Variants in GALNT3 observed in about 807,000 individuals in gnomAD.
The protein encoded by GALNT3 is GalNAc transferase 3.
Under a neutral mutation model 69.8 loss-of-function variants are expected in GALNT3, and 51 were observed. The ratio of observed to expected loss-of-function variants is 0.73; its 90% CI spans 0.58 to 0.92. The LOEUF is 0.92. Among genes scored for constraint, GALNT3 ranks in the 40% least tolerant of loss-of-function variants. The probability of loss-of-function intolerance (pLI) is 0.00; values close to 1 mark genes in which losing one functional copy is unlikely to be tolerated. For missense variants in GALNT3, 711 were observed against 760.0 expected, an observed-to-expected ratio of 0.94 and a Z score of 0.76; for synonymous variants, 265 against 248.5, an observed-to-expected ratio of 1.07 and a Z score of -0.63.
chr2:165,763,776 G>C (rs187853687), intron 3 of GALNT3, among the ~76,000 whole-genome samples: 1 of 152,094 alleles, frequency 6.6e-6, no homozygotes, highest in South Asian at 2.1e-4. Context: ...CCTAAATTTA[G>C]CTCCCATGCA....
At position 165,754,719 on chromosome 2, in the gene GALNT3, C is replaced by T. The variant is rs374713815; in HGVS notation, c.1534G>A (p.Val512Ile). 85 of 1,610,420 alleles carry T rather than the reference C, an allele frequency of 5.3e-5. 1 individual carries two copies. Among genetic ancestry groups the T allele is most frequent in the South Asian group, 1.9e-4 (17 of 90,426 alleles). The change falls in exon 9 of 11, where the codon GTT becomes ATT. Residue 512 changes from valine to isoleucine, a missense_variant. Transcript: ENST00000392701. ...NPVISGYIKS[V>I]GQPLCLDVGE... ...ACATCCAGACATAGAGGCTGACCAACGCTTTTAATCTAAAGGAAAATTTTC... is the reference window on the plus strand; with the variant it reads ...ACATCCAGACATAGAGGCTGACCAATGCTTTTAATCTAAAGGAAAATTTTC...
intron 2 of GALNT3, among the ~76,000 whole-genome samples, chr2:165,765,542 T>G (rs112816927): frequency 0.14 from 21,465 of 151,606 alleles, 1,714 homozygotes; most frequent in East Asian, 0.25. Context: ...CAGGCTGGAG[T>G]GCAGTGGCAC....
intron 1 of GALNT3, among the ~76,000 whole-genome samples, chr2:165,781,808 G>A (rs1202516570): frequency 1.3e-5 from 2 of 152,086 alleles, no homozygotes; most frequent in Non-Finnish European, 2.9e-5. Flanking sequence ...GAAATGTTAC[G>A]ATGATTAAGA....
In GALNT3 at chr2:165,758,827, T is replaced by C; in HGVS notation, c.1111A>G (p.Lys371Glu). The change falls in exon 6 of 11, where the codon AAA becomes GAA. Residue 371 changes from lysine to glutamate, a missense_variant. By Grantham distance (56) the Lys-to-Glu change is moderately conservative (BLOSUM62 1). Transcript: ENST00000392701. ...TFAGGLFSIS[K>E]EYFEYIGSYD... ...CTTCCAATATACTCAAAATATTCTT[T>C]TGATATGGAAAAAAGTCCTCCTGCA... The C allele has an allele frequency of 1.2e-6, 2 of 1,611,686 alleles. No individual in the cohort carries two copies. Among genetic ancestry groups the C allele is most frequent in the Non-Finnish European group, 1.7e-6 (2 of 1,177,968 alleles).
chr2:165,770,273 C>T lies in GALNT3; in HGVS notation c.428G>A (p.Arg143His), dbSNP rs770369946. 6.2e-6 allele frequency: 10 copies of T among 1,614,160 alleles called. No individual in the cohort carries two copies. Among genetic ancestry groups the T allele is most frequent in the South Asian group, 4.4e-5 (4 of 91,072 alleles). Residue 143 changes from arginine to histidine, a missense_variant, in exon 2 of 11, where the codon CGT (arginine) becomes CAT (histidine). By Grantham distance (29) the Arg-to-His change is conservative. Transcript: ENST00000392701. ...LSVEEQKEKE[R>H]GEAKHCFNAF... is the part of the protein sequence containing the mutation. ...ATTAAAGCAGTGTTTAGCTTCCCCA[C>T]GTTCCTTTTCCTTTTGCTCTTCAAC...
chr2:165,761,798 A>G, intron 4 of GALNT3, 107 bp downstream of exon 4: 2 of 1,241,374 alleles, frequency 1.6e-6, no homozygotes, highest in South Asian at 2.4e-5. Context: ...AAACGCTGTT[A>G]AAGAAAATGC....
chr2:165,782,189 C>T (rs1210523052), intron 1 of GALNT3, among the ~76,000 whole-genome samples: 2 of 152,070 alleles, frequency 1.3e-5, no homozygotes, highest in East Asian at 3.9e-4. Flanking sequence ...GTTATTACTT[C>T]TGATTTACTA....
intron 9 of GALNT3, 115 bp from the exon 10 acceptor site, chr2:165,750,009 A>G: frequency 2.1e-6 from 2 of 939,164 alleles, no homozygotes; most frequent in Non-Finnish European, 3.4e-6. Context: ...TCAACAAAAT[A>G]ATACAATAAA....
Position 165,764,955 on chromosome 2 carries a change from T to C in GALNT3, c.617A>G (p.His206Arg). ...EAWSTLLRTV[H>R]SVLYSSPAIL... ...TGCAGGTGAAGAATAGAGCACACTGTGGACAGTTCTAAGCAACGTGGACCA... is the reference window on the plus strand; with the variant it reads ...TGCAGGTGAAGAATAGAGCACACTGCGGACAGTTCTAAGCAACGTGGACCA... Residue 206 changes from histidine to arginine, a missense_variant, in exon 3 of 11, where the codon CAC becomes CGC. His to Arg is a conservative substitution (Grantham distance 29, BLOSUM62 0). Coordinates refer to ENST00000392701, the MANE Select transcript of GALNT3 (RefSeq NM_004482.4). 6.2e-7 allele frequency: 1 copy of C among 1,614,176 alleles called. No individual in the cohort carries two copies. Among genetic ancestry groups the C allele is most frequent in the South Asian group, 1.1e-5 (1 of 91,082 alleles).
rs1688323064 is a variant in GALNT3 at position 165,749,780 on chromosome 2, T to A, written c.1741A>T (p.Thr581Ser). The A allele has an allele frequency of 7.4e-6, 12 of 1,613,532 alleles. No homozygotes were observed. The East Asian group carries it at 2.7e-4, about 36-fold the overall frequency. Residue 581 changes from threonine to serine, a missense_variant, in exon 10 of 11, where the codon ACA (threonine) becomes TCA (serine). Thr to Ser is a moderately conservative substitution (Grantham distance 58). Transcript: ENST00000392701. ...LKACTYKGHK[T>S]VVTGEQIWEI... ...CATATCTGCTCTCCAGTGACAACTG[T>A]CTTGTGACCTTTGTAGGTACATGCC...
intron 5 of GALNT3, among the ~76,000 whole-genome samples, 195 bp from the exon 6 acceptor site, chr2:165,759,059 T>C (rs1455421081): frequency 1.3e-5 from 2 of 152,218 alleles, no homozygotes; most frequent in African/African-American, 2.4e-5. Flanking sequence ...TCCTCTCCCA[T>C]TGGAGTAAAC....
At position 165,757,058 on chromosome 2, in the gene GALNT3, T is replaced by G; in HGVS notation, c.1381A>C (p.Ile461Leu). The G allele has an allele frequency of 1.2e-6, 2 of 1,613,018 alleles. No individual in the cohort carries two copies. Among genetic ancestry groups the G allele is most frequent in the Non-Finnish European group, 8.5e-7 (1 of 1,179,074 alleles). ...TAGCTTTAACTTACTTGTTTAACAA[T>G]TTTTGCTGCATCTGTATTTCTCCTA... ...FYRRNTDAAK[I>L]VKQKAFGDLS... The change falls in exon 7 of 11, where the codon ATT becomes CTT. Residue 461 changes from isoleucine (I) to leucine (L), a missense_variant. By Grantham distance (5) the Ile-to-Leu change is conservative. Transcript: ENST00000392701.
At chr2:165,762,502 T>C (rs143952574) in intron 3 of GALNT3, among the ~76,000 whole-genome samples, 5 of 152,336 alleles carry the variant, frequency 3.3e-5, no homozygotes, top group Non-Finnish European at 5.9e-5. Context: ...TAAAGACCTC[T>C]GATATTTAAG....
At chr2:165,749,359 G>A (rs1688315042) in intron 10 of GALNT3, among the ~76,000 whole-genome samples, 1 of 151,988 alleles carries the variant, frequency 6.6e-6, no homozygotes, top group South Asian at 2.1e-4. Context: ...TGCTAAAACA[G>A]GGTAGAAAAA....
intron 7 of GALNT3, 63 bp downstream of exon 7, chr2:165,756,984 G>A: frequency 3.9e-6 from 5 of 1,286,722 alleles, no homozygotes; most frequent in South Asian, 2.5e-5. Context: ...ATGAATCGAC[G>A]CAAAAGGACG....
chr2:165,760,700 C>A (rs757652900), intron 4 of GALNT3, among the ~76,000 whole-genome samples: 1 of 152,124 alleles, frequency 6.6e-6, no homozygotes, highest in Non-Finnish European at 1.5e-5. Context: ...CAAGCACATC[C>A]AAAAGCCCTT....
intron 1 of GALNT3, among the ~76,000 whole-genome samples, chr2:165,775,178 C>A (rs969288691): frequency 6.6e-6 from 1 of 151,914 alleles, no homozygotes; most frequent in Non-Finnish European, 1.5e-5. Flanking sequence ...AATGTAAAAT[C>A]CTGAGCTTTT....
chr2:165,749,892 G>A lies in GALNT3; in HGVS notation c.1629C>T (p.Tyr543=), dbSNP rs766405349. 2 of 1,613,300 alleles carry A rather than the reference G, an allele frequency of 1.2e-6. No individual in the cohort carries two copies. The highest frequency in any genetic ancestry group is 2.2e-5 in the South Asian group (2 of 91,076). The change falls in exon 10 of 11, where the codon TAC becomes TAT. Residue 543 remains tyrosine (Y), a splice_region_variant and synonymous_variant. Transcript: ENST00000392701. The part of the protein sequence containing the change: ...YTCHGLGGNQ[Y]FEYSAQHEIR... ...TTTCATGTTGAGCAGAGTATTCAAA[G>A]TACTATGGAAGGAATAGCACTGTTA...
intron 10 of GALNT3, 100 bp from the exon 11 acceptor site, chr2:165,749,003 CA>C: frequency 8.0e-7 from 1 of 1,248,270 alleles, no homozygotes; most frequent in Admixed American, 2.0e-5. Context: ...AACCTAATAG[CA>C]AATCTTTCTA....
Sources: allele counts gnomAD v4.1 joint callset (sites outside exome capture counted in the v4.1 genomes callset), GRCh38; gene constraint gnomAD v4.1.1; transcripts MANE v1.5; gene names NCBI Gene and HGNC (gene_info 2026-07-23, HGNC 2026-07-21).